PLCB1: variants seen among roughly 807,000 people sequenced by gnomAD.
PLCB1 encodes phospholipase C beta 1.
PLCB1 carries 46 observed loss-of-function variants against 161.8 expected under a neutral mutation model. The ratio of observed to expected loss-of-function variants is 0.28; its 90% CI spans 0.22 to 0.36. The LOEUF is 0.36. PLCB1 is among the 10% of genes least tolerant of loss of function. PLCB1 has a pLI of 1.00. For missense variants in PLCB1, 1,016 were observed against 1,472.5 expected, an observed-to-expected ratio of 0.69 and a Z score of 5.07; for synonymous variants, 517 against 503.7, an observed-to-expected ratio of 1.03 and a Z score of -0.35.
intron 12 of PLCB1, among the ~76,000 whole-genome samples, chr20:8,713,991 G>A (rs771567935): frequency 6.6e-6 from 1 of 152,092 alleles, no homozygotes; most frequent in Admixed American, 6.5e-5. Context: ...TGAGAGCAGG[G>A]CATTCAGGTA....
intron 2 of PLCB1, among the ~76,000 whole-genome samples, chr20:8,304,319 T>C (rs187766239): frequency 6.6e-6 from 1 of 152,278 alleles, no homozygotes; most frequent in African/African-American, 2.4e-5. Flanking sequence ...CTGGGGCTAC[T>C]TCTGCCAAAG....
intron 2 of PLCB1, among the ~76,000 whole-genome samples, chr20:8,179,777 CTG>C (rs1056198880): frequency 1.1e-4 from 16 of 148,978 alleles, no homozygotes; most frequent in Non-Finnish European, 8.9e-5. Flanking sequence ...ATAATATTGA[CTG>C]TGGGTTTTTC....
At chr20:8,685,459 C>T (rs1419658956) in intron 10 of PLCB1, among the ~76,000 whole-genome samples, 1 of 151,340 alleles carries the variant, frequency 6.6e-6, no homozygotes, top group Non-Finnish European at 1.5e-5. Flanking sequence ...AGTGGTGGCT[C>T]ATGCTTGTAA....
chr20:8,337,813 A>T (rs994118301), intron 2 of PLCB1, among the ~76,000 whole-genome samples: 1 of 152,130 alleles, frequency 6.6e-6, no homozygotes, highest in Non-Finnish European at 1.5e-5. Context: ...TCTTCTTGGT[A>T]AGTTAACTAT....
At chr20:8,546,313 C>CAA (rs369485988) in intron 3 of PLCB1, among the ~76,000 whole-genome samples, 5,035 of 101,786 alleles carry the variant, frequency 0.049, 181 homozygotes, top group African/African-American at 0.071. Context: ...GACTCTATCT[C>CAA]AAAAAAAAAA....
chr20:8,707,683 A>G (rs1444223503), intron 11 of PLCB1, among the ~76,000 whole-genome samples: 1 of 152,152 alleles, frequency 6.6e-6, no homozygotes, highest in Non-Finnish European at 1.5e-5. Flanking sequence ...GATATTAGGG[A>G]AAAAATGAAG....
intron 2 of PLCB1, chr20:8,248,823 G>C (rs1025291866): frequency 6.6e-6 from 1 of 151,940 alleles, no homozygotes. Flanking sequence ...AGTAGGTGAA[G>C]GAAGGTGGTA....
intron 24 of PLCB1, among the ~76,000 whole-genome samples, chr20:8,759,895 C>CTTTTTTTTTT (rs1981928257): frequency 2.2e-5 from 1 of 44,520 alleles, no homozygotes; most frequent in African/African-American, 8.2e-5. Context: ...TATAATATCA[C>CTTTTTTTTTT]ATTTTTTTTT....
intron 2 of PLCB1, among the ~76,000 whole-genome samples, chr20:8,267,037 A>T (rs1322193988): frequency 1.4e-5 from 2 of 140,524 alleles, no homozygotes; most frequent in Non-Finnish European, 3.1e-5. Context: ...GACTTCGTCT[A>T]AAAAAAAAAA....
At chr20:8,813,635 G>T (rs567960014) in intron 31 of PLCB1, among the ~76,000 whole-genome samples, 6 of 152,124 alleles carry the variant, frequency 3.9e-5, no homozygotes, top group Admixed American at 2.0e-4. Flanking sequence ...ATCGAAATCA[G>T]CCTGGGCAAG....
intron 2 of PLCB1, among the ~76,000 whole-genome samples, chr20:8,209,540 GT>G (rs1568590984): frequency 6.6e-6 from 1 of 151,854 alleles, no homozygotes; most frequent in Non-Finnish European, 1.5e-5. Flanking sequence ...AAACTTATTT[GT>G]TTTTCTTTTT....
chr20:8,427,213 A>G (rs1449756353), intron 3 of PLCB1, among the ~76,000 whole-genome samples: 4 of 152,134 alleles, frequency 2.6e-5, no homozygotes, highest in Non-Finnish European at 2.9e-5. Flanking sequence ...GCCCAGCCAG[A>G]AAAAGATTAT....
intron 11 of PLCB1, among the ~76,000 whole-genome samples, chr20:8,707,280 G>T (rs1978736693): frequency 6.6e-6 from 1 of 152,018 alleles, no homozygotes; most frequent in South Asian, 2.1e-4. Flanking sequence ...TGGATATAAA[G>T]AACGCTATAT....
intron 1 of PLCB1, among the ~76,000 whole-genome samples, chr20:8,140,703 C>T (rs1425565556): frequency 2.6e-5 from 4 of 152,156 alleles, no homozygotes; most frequent in South Asian, 2.1e-4. Context: ...TTTAAAACTA[C>T]GTCTTCTGGC....
intron 2 of PLCB1, among the ~76,000 whole-genome samples, chr20:8,256,426 A>G (rs569500174): frequency 6.6e-6 from 1 of 152,152 alleles, no homozygotes; most frequent in South Asian, 2.1e-4. Context: ...AATCCTCAAC[A>G]GACTAACTAG....
rs113256537 is a variant in PLCB1, at chr20:8,373,595, GA to G, written c.246+2150del. Among the ~76,000 whole-genome samples, 18 of 152,266 alleles carry G rather than the reference GA, an allele frequency of 1.2e-4. 1 individual carries two copies. Among genetic ancestry groups the G allele is most frequent in the African/African-American group, 3.8e-4 (16 of 41,564 alleles). Reference sequence around the variant, plus strand: ...GGTGTGGTGTGGGCATGATGGATTTGAAAAACAAATTTGCAGCAAAATTTGA... The same window carrying G: ...GGTGTGGTGTGGGCATGATGGATTTGAAAACAAATTTGCAGCAAAATTTGA... On this transcript the variant is annotated intron_variant, in intron 3 of 31. Transcript: ENST00000338037.
chr20:8,872,431 A>T (rs535699153), intron 31 of PLCB1, among the ~76,000 whole-genome samples: 26 of 152,284 alleles, frequency 1.7e-4, no homozygotes, highest in African/African-American at 5.5e-4. Context: ...GCAACCTTGA[A>T]TTACAAAGTT....
chr20:8,784,813 A>G (rs957783418), intron 27 of PLCB1, among the ~76,000 whole-genome samples: 13 of 152,320 alleles, frequency 8.5e-5, no homozygotes, highest in African/African-American at 3.1e-4. Context: ...AACAAAATTT[A>G]GCTTGTTAAA....
At chr20:8,513,903 C>G (rs1357066944) in intron 3 of PLCB1, among the ~76,000 whole-genome samples, 1 of 151,934 alleles carries the variant, frequency 6.6e-6, no homozygotes, top group East Asian at 1.9e-4. Flanking sequence ...TGGTGTGTGC[C>G]TGTAGTCCCA....
Sources: allele counts gnomAD v4.1 joint callset (sites outside exome capture counted in the v4.1 genomes callset), GRCh38; gene constraint gnomAD v4.1.1; transcripts MANE v1.5; gene names NCBI Gene and HGNC (gene_info 2026-07-23, HGNC 2026-07-21).